The following HNRNPL variants were observed in gnomAD, a reference collection of about 807,000 sequenced individuals.
HNRNPL encodes the protein heterogeneous nuclear ribonucleoprotein L, also known as epididymis secretory sperm binding protein.
HNRNPL carries 12 observed loss-of-function variants against 64.0 expected under a neutral mutation model. The observed-to-expected ratio is 0.19, with a 90% confidence interval of 0.12 to 0.30. The LOEUF (loss-of-function observed/expected upper bound fraction) is 0.30. HNRNPL is among the 10% of genes least tolerant of loss of function. HNRNPL has a pLI of 1.00. For synonymous variants in HNRNPL, 385 were observed against 313.0 expected, an observed-to-expected ratio of 1.23 and a Z score of -2.43; for missense variants, 484 against 797.4, an observed-to-expected ratio of 0.61 and a Z score of 4.73.
At position 38,836,461 on chromosome 19, in the gene HNRNPL, G is replaced by GAA. The variant is rs35971309; in HGVS notation, c.*259_*260dup. 5.6e-5 allele frequency: 18 copies of GAA among 320,418 alleles called. No individual in the cohort carries two copies. The highest frequency in any genetic ancestry group is 2.7e-4 in the South Asian group (5 of 18,426). The allele number at this position is 320,418 out of a possible 1,614,324, so 19.8% of individuals were successfully genotyped here. On this transcript the variant is annotated 3_prime_UTR_variant, in exon 13 of 13. Transcript: ENST00000221419. The stretch of plus-strand genomic sequence containing the variant: ...ATGGGCAGCACAAATGTATGAACAG[G>GAA]AAAAAAAAAAATCACATGTACAATA...
At chr19:38,850,594 A>C (rs1021334709), upstream of HNRNPL, among the ~76,000 whole-genome samples, 7 of 152,224 alleles carry the variant, frequency 4.6e-5, no homozygotes, top group Non-Finnish European at 8.8e-5. Context: ...AAACGAGCGA[A>C]GGCGAGAACG....
intron 12 of HNRNPL, 175 bp from the exon 13 acceptor site, chr19:38,836,955 CTCCTTCTCT>C (rs1971949109): frequency 1.8e-6 from 1 of 569,790 alleles, no homozygotes; most frequent in East Asian, 2.9e-5. Context: ...CACGGCGTTT[CTCCTTCTCT>C]TCCTTCATTC....
Position 38,849,813 on chromosome 19 carries a change from TGCC to T in HNRNPL, c.151_153del (p.Gly51del). ...CGCTTAGGGGCCCGGCCGCCCTCAC[TGCC>T]GCCGCCGTAGTAGCGGCCACCGCCG... On this transcript the variant is annotated inframe_deletion, in exon 1 of 13. Coordinates refer to ENST00000221419, the MANE Select transcript of HNRNPL (RefSeq NM_001533.3). 1 of 1,281,120 alleles carries T rather than the reference TGCC, an allele frequency of 7.8e-7. No individual in the cohort carries two copies. Among genetic ancestry groups the T allele is most frequent in the Non-Finnish European group, 1.1e-6 (1 of 933,370 alleles). 79.4% of individuals were successfully genotyped at this position (1,281,120 alleles called of 1,614,324 possible).
intron 2 of HNRNPL, among the ~76,000 whole-genome samples, chr19:38,847,066 C>T (rs1334806753): frequency 6.6e-6 from 1 of 152,188 alleles, no homozygotes; most frequent in Non-Finnish European, 1.5e-5. Flanking sequence ...AAAGCGAGAC[C>T]TTGCTCTGTC....
intron 2 of HNRNPL, among the ~76,000 whole-genome samples, chr19:38,846,471 C>A (rs907464877): frequency 1.3e-5 from 2 of 152,188 alleles, no homozygotes; most frequent in East Asian, 3.8e-4. Context: ...TAACTACTTG[C>A]TGAATGAAAG....
chr19:38,843,787 T>C, intron 6 of HNRNPL, 55 bp downstream of exon 6: 5 of 1,423,870 alleles, frequency 3.5e-6, no homozygotes, highest in South Asian at 1.2e-5. Flanking sequence ...TTAAGTGCAC[T>C]AGTCGAGTGA....
rs35433653 is a variant in HNRNPL at position 38,836,598 on chromosome 19, T to TAAA, written c.*121_*123dup. The TAAA allele has an allele frequency of 0.017, 2,342 of 136,592 alleles. 59 individuals carry two copies. The highest frequency in any genetic ancestry group is 0.023 in the Non-Finnish European group (1,792 of 76,638). 8.5% of individuals were successfully genotyped at this position (136,592 alleles called of 1,614,324 possible). ...AGTAAGCCTCTACAAACCTAGCATT[T>TAAA]AAAAAAAAAAAAAAAAAAAAAAAAA... On this transcript the variant is annotated 3_prime_UTR_variant, in exon 13 of 13. Coordinates refer to ENST00000221419, the MANE Select transcript of HNRNPL (RefSeq NM_001533.3).
At chr19:38,837,251 C>G (rs1174255444) in intron 12 of HNRNPL, 133 bp downstream of exon 12, 6 of 701,532 alleles carry the variant, frequency 8.6e-6, no homozygotes, top group East Asian at 2.7e-5. Context: ...TGAGCAGGTC[C>G]CACCTGCCTG....
chr19:38,845,676 C>A lies in HNRNPL; in HGVS notation c.684G>T (p.Arg228Ser), dbSNP rs1295633555. Residue 228 changes from arginine (R) to serine (S), a missense_variant, in exon 4 of 13, where the codon AGG (arginine) becomes AGT (serine). Arg to Ser is a moderately radical substitution (Grantham distance 110). Transcript: ENST00000221419. ...CCACCATCGCCTGAACTCCATTCTT[C>A]CTGAAAATGACAATTCTCTGGACAG... ...CGPVQRIVIFRKNGVQAMVEF... is the reference protein window; with the variant it reads ...CGPVQRIVIFSKNGVQAMVEF... The A allele has an allele frequency of 6.2e-7, 1 of 1,613,722 alleles. No individual in the cohort carries two copies. Among genetic ancestry groups the A allele is most frequent in the Non-Finnish European group, 8.5e-7 (1 of 1,179,766 alleles).
At chr19:38,850,898 A>G (rs1425885406), upstream of HNRNPL, among the ~76,000 whole-genome samples, 1 of 151,590 alleles carries the variant, frequency 6.6e-6, no homozygotes, top group Non-Finnish European at 1.5e-5. Flanking sequence ...TCTTCCGCGC[A>G]CTCTCCATGT....
Position 38,837,380 on chromosome 19 carries a change from T to A in HNRNPL, c.1711+4A>T. On this transcript the variant is annotated splice_donor_region_variant and intron_variant, in intron 12 of 12. Coordinates refer to ENST00000221419, the MANE Select transcript of HNRNPL (RefSeq NM_001533.3). Reference sequence around the variant, plus strand: ...TGATGCCTGCAGGACACACAGATACTCACTTGGGTTTTTCATCTGGTAATG... The same window carrying A: ...TGATGCCTGCAGGACACACAGATACACACTTGGGTTTTTCATCTGGTAATG... 1 of 1,611,214 alleles carries A rather than the reference T, an allele frequency of 6.2e-7. No homozygotes were observed. Among genetic ancestry groups the A allele is most frequent in the Non-Finnish European group, 8.5e-7 (1 of 1,177,404 alleles).
intron 4 of HNRNPL, chr19:38,844,752 C>A (rs1379230887): frequency 6.7e-6 from 1 of 149,492 alleles, no homozygotes; most frequent in Non-Finnish European, 1.5e-5. Context: ...CGCTGTGTTG[C>A]CCAGGATGGA....
rs117096324 is a variant in HNRNPL, at chr19:38,838,538, G to A, written c.1416C>T (p.Cys472=). 1,263 of 1,614,140 alleles carry A rather than the reference G, an allele frequency of 7.8e-4. 1 individual carries two copies. The highest frequency in any genetic ancestry group is 9.5e-4 in the Non-Finnish European group (1,123 of 1,180,004). ...GQSYGLEDGS[C]SYKDFSESRN... ...GGGATTCACTGAAGTCTTTGTAACT[G>A]CAAGACCCGTCTTCCAACCCGTATG... Residue 472 remains cysteine (C), a synonymous_variant, in exon 10 of 13, where the codon TGC becomes TGT. Transcript: ENST00000221419.
intron 6 of HNRNPL, 132 bp from the exon 7 acceptor site, chr19:38,840,691 G>A: frequency 8.1e-6 from 6 of 738,458 alleles, no homozygotes; most frequent in Non-Finnish European, 1.4e-5. Context: ...GGGCTGTGGG[G>A]CCTCCTTTTG....
rs746172881 is a variant in HNRNPL, at chr19:38,838,938, G to T, written c.1311C>A (p.Thr437=). 4.3e-6 allele frequency: 7 copies of T among 1,614,152 alleles called. No homozygotes were observed. The highest frequency in any genetic ancestry group is 5.9e-6 in the Non-Finnish European group (7 of 1,180,040). Residue 437 remains threonine, a synonymous_variant, in exon 9 of 13, where the codon ACC becomes ACA. Coordinates refer to ENST00000221419, the MANE Select transcript of HNRNPL (RefSeq NM_001533.3). The stretch of plus-strand genomic sequence containing the variant: ...CAAACATGAAGTTGTTGTTGAGGTG[G>T]GTAATGGCCCGGTCTACAGCGTAGC... ...ADGYAVDRAI[T]HLNNNFMFGQ... is the part of the protein sequence containing the mutation.
intron 6 of HNRNPL, chr19:38,841,371 C>G (rs1972113092): frequency 2.8e-6 from 1 of 352,398 alleles, no homozygotes; most frequent in Non-Finnish European, 5.6e-6. Context: ...GAGTTGTTAA[C>G]TTTTAACTGA....
chr19:38,837,272 AGTGCGAAGATCCCGGGGTCCT>A lies in HNRNPL; in HGVS notation c.1711+91_1711+111del, dbSNP rs1422730044. 5.0e-6 allele frequency: 4 copies of A among 797,886 alleles called. No individual in the cohort carries two copies. The African/African-American group carries it at 6.7e-5, about 13-fold the overall frequency. The allele number at this position is 797,886 out of a possible 1,614,324, so 49.4% of individuals were successfully genotyped here. ...GGTCCCACCTGCCTGTGTCACCAACAGTGCGAAGATCCCGGGGTCCTATCTCAAGGGCAGGAAGGACATCCC... is the reference window on the plus strand; with the variant it reads ...GGTCCCACCTGCCTGTGTCACCAACAATCTCAAGGGCAGGAAGGACATCCC... On this transcript the variant is annotated intron_variant, in intron 12 of 12. Coordinates refer to ENST00000221419, the MANE Select transcript of HNRNPL (RefSeq NM_001533.3).
At chr19:38,840,849 C>A in intron 6 of HNRNPL, 1 of 449,810 alleles carries the variant, frequency 2.2e-6, no homozygotes, top group Non-Finnish European at 3.9e-6. Flanking sequence ...GGAGAAAGCC[C>A]AGCTCCCAGG....
At position 38,847,378 on chromosome 19, in the gene HNRNPL, G is replaced by T; in HGVS notation, c.324C>A (p.Gly108=). The change falls in exon 2 of 13, where the codon GGC becomes GGA. Residue 108 remains glycine, a synonymous_variant. Transcript: ENST00000221419. ...TPASPVVHIR[G]LIDGVVEADL... ...CTGCTTCCACCACACCGTCAATCAGGCCCCTGATGTGGACAACTGGGGAGG... is the reference window on the plus strand; with the variant it reads ...CTGCTTCCACCACACCGTCAATCAGTCCCCTGATGTGGACAACTGGGGAGG... The T allele has an allele frequency of 6.4e-7, 1 of 1,570,206 alleles. No individual in the cohort carries two copies. The highest frequency in any genetic ancestry group is 1.7e-4 in the Middle Eastern group (1 of 5,930).
Sources: allele counts gnomAD v4.1 joint callset (sites outside exome capture counted in the v4.1 genomes callset), GRCh38; gene constraint gnomAD v4.1.1; transcripts MANE v1.5; gene names NCBI Gene and HGNC (gene_info 2026-07-23, HGNC 2026-07-21).